The following LINGO1 variants were observed in gnomAD, a reference collection of about 807,000 sequenced individuals.
LINGO1 encodes the protein leucine rich repeat and Ig domain containing 1, also known as leucine-rich repeat and immunoglobulin-like domain-containing nogo receptor-interacting protein 1.
A neutral mutation model predicts 37.3 loss-of-function variants in LINGO1; 11 were observed. The observed-to-expected ratio is 0.29, with a 90% confidence interval of 0.19 to 0.49. The LOEUF (loss-of-function observed/expected upper bound fraction) is 0.49, where lower values mean the gene tolerates loss of function less well. LINGO1 is among the 20% of genes least tolerant of loss of function. The pLI, the probability that LINGO1 is intolerant of heterozygous loss-of-function variation, is 0.99. For synonymous variants in LINGO1, 387 were observed against 403.0 expected, an observed-to-expected ratio of 0.96 and a Z score of 0.48; for missense variants, 585 against 878.2, an observed-to-expected ratio of 0.67 and a Z score of 4.22.
chr15:77,802,286 T>C (rs1220138873), intron 1 of LINGO1, among the ~76,000 whole-genome samples: 1 of 151,918 alleles, frequency 6.6e-6, no homozygotes, highest in Non-Finnish European at 1.5e-5. Flanking sequence ...TGTGTGTATG[T>C]GTGTTGTCAC....
chr15:77,686,411 A>G (rs1490516014), intron 2 of LINGO1, among the ~76,000 whole-genome samples: 1 of 152,230 alleles, frequency 6.6e-6, no homozygotes, highest in Non-Finnish European at 1.5e-5. Flanking sequence ...CACCCTCAGC[A>G]ATACCAGCAT....
At chr15:77,743,701 C>A (rs2141352826) in intron 1 of LINGO1, among the ~76,000 whole-genome samples, 1 of 152,118 alleles carries the variant, frequency 6.6e-6, no homozygotes, top group Non-Finnish European at 1.5e-5. Flanking sequence ...AGTTAACAAG[C>A]AAGCGGGGAG....
chr15:77,813,625 CCAAA>C (rs2077024798), intron 1 of LINGO1, among the ~76,000 whole-genome samples: 2 of 152,116 alleles, frequency 1.3e-5, no homozygotes, highest in Non-Finnish European at 2.9e-5. Flanking sequence ...GAGGAGGCGC[CCAAA>C]CAGTGATACG....
At chr15:77,810,003 C>T (rs2141476908) in intron 1 of LINGO1, among the ~76,000 whole-genome samples, 1 of 152,110 alleles carries the variant, frequency 6.6e-6, no homozygotes, top group South Asian at 2.1e-4. Context: ...CTGCCTTTCT[C>T]CCAGTGGCCT....
chr15:77,636,253 G>A (rs1330949615), upstream of LINGO1, among the ~76,000 whole-genome samples: 1 of 152,132 alleles, frequency 6.6e-6, no homozygotes, highest in East Asian at 1.9e-4. Flanking sequence ...GGTCCCCCAG[G>A]CACAGAAAGG....
intron 3 of LINGO1, among the ~76,000 whole-genome samples, chr15:77,647,039 C>A (rs2074647999): frequency 6.6e-6 from 1 of 151,914 alleles, no homozygotes; most frequent in Non-Finnish European, 1.5e-5. Context: ...GGGACGGGCC[C>A]CCGGTATTCA....
intron 3 of LINGO1, among the ~76,000 whole-genome samples, chr15:77,639,812 G>A (rs112363239): frequency 5.3e-5 from 8 of 152,272 alleles, no homozygotes; most frequent in South Asian, 2.1e-4. Context: ...ATTAAAACAC[G>A]CAGGACAGTG....
chr15:77,690,027 G>A (rs961365670), intron 2 of LINGO1, among the ~76,000 whole-genome samples: 1 of 152,170 alleles, frequency 6.6e-6, no homozygotes, highest in African/African-American at 2.4e-5. Context: ...ATAGAGATTT[G>A]TCTGAGGATA....
intron 2 of LINGO1, among the ~76,000 whole-genome samples, chr15:77,705,253 C>T (rs1388278261): frequency 2.6e-5 from 4 of 151,198 alleles, no homozygotes; most frequent in African/African-American, 9.7e-5. Flanking sequence ...GTTCCCCGAC[C>T]AGTTTTATTC....
intron 1 of LINGO1, among the ~76,000 whole-genome samples, chr15:77,625,593 C>T (rs1394352930): frequency 6.6e-6 from 1 of 152,182 alleles, no homozygotes; most frequent in Non-Finnish European, 1.5e-5. Flanking sequence ...TGTTTGATCT[C>T]CATAACCACC....
intron 3 of LINGO1, among the ~76,000 whole-genome samples, chr15:77,644,037 C>T (rs1203165553): frequency 1.3e-5 from 2 of 152,236 alleles, no homozygotes; most frequent in African/African-American, 2.4e-5. Flanking sequence ...GGGCAGGGCC[C>T]GGCACTCAGG....
chr15:77,716,287 T>C lies in LINGO1; in HGVS notation c.-195+18705A>G, dbSNP rs865823858. ...TTCTTTCTTCTTCTTCTTCTTTTTT[T>C]TTTTTTTTTTTGAGACAGGGTCTCA... On this transcript the variant is annotated intron_variant, in intron 2 of 3. Coordinates refer to the LINGO1 transcript ENST00000561686. Among the ~76,000 whole-genome samples, 1,056 of 143,926 alleles carry C rather than the reference T, an allele frequency of 7.3e-3. 18 individuals carry two copies. Among genetic ancestry groups the C allele is most frequent in the African/African-American group, 0.025 (1,014 of 40,032 alleles). 94.4% of individuals were successfully genotyped at this position (143,926 alleles called of 152,430 possible).
chr15:77,743,019 G>A (rs1260095948), intron 1 of LINGO1, among the ~76,000 whole-genome samples: 2 of 152,214 alleles, frequency 1.3e-5, no homozygotes, highest in East Asian at 1.9e-4. Flanking sequence ...CCCCCAGCCC[G>A]ACGCCCAACC....
At chr15:77,715,777 C>T (rs1251594180) in intron 2 of LINGO1, among the ~76,000 whole-genome samples, 1 of 152,196 alleles carries the variant, frequency 6.6e-6, no homozygotes, top group East Asian at 1.9e-4. Flanking sequence ...TGCCTGTCCC[C>T]AACAGGTGCC....
At chr15:77,788,421 A>G (rs1023310119), upstream of LINGO1, 1 of 152,178 alleles carries the variant, frequency 6.6e-6, no homozygotes, top group Non-Finnish European at 1.5e-5. Context: ...AGAGACTGAG[A>G]CCCAAAGGCC....
At position 77,737,768 on chromosome 15, in the gene LINGO1, G is replaced by A. The variant is rs60269871; in HGVS notation, c.-256-2715C>T. ...CCATCAGGTGACATTTTATCTCTGG[G>A]TTTCCAGGACTCGGCCTCTCCTGGC... is the stretch of plus-strand genomic sequence containing the variant. On this transcript the variant is annotated intron_variant, in intron 1 of 3. Coordinates refer to the LINGO1 transcript ENST00000561686. Among the ~76,000 whole-genome samples the A allele has an allele frequency of 2.1e-3, 326 of 152,188 alleles. 1 individual carries two copies. The highest frequency in any genetic ancestry group is 0.014 in the Middle Eastern group (4 of 294).
At chr15:77,776,404 T>C (rs2076639179) in intron 1 of LINGO1, among the ~76,000 whole-genome samples, 1 of 87,558 alleles carries the variant, frequency 1.1e-5, no homozygotes, top group Non-Finnish European at 2.4e-5. Context: ...AATCTGCTTA[T>C]GGTGGAGGTG....
At position 77,767,314 on chromosome 15, in the gene LINGO1, TG is replaced by T. The variant is rs1207762539; in HGVS notation, c.-257+19554del. Among the ~76,000 whole-genome samples the T allele has an allele frequency of 2.0e-5, 3 of 152,234 alleles. 1 individual carries two copies. Among genetic ancestry groups the T allele is most frequent in the South Asian group, 4.1e-4 (2 of 4,822 alleles). On this transcript the variant is annotated intron_variant, in intron 1 of 3. Coordinates refer to the LINGO1 transcript ENST00000561686. ...AGAGAGAGGGGCTCCTTTAAAATTCTGGGGGAAAAAAGATCTCCATTCGGAA... is the reference window on the plus strand; with the variant it reads ...AGAGAGAGGGGCTCCTTTAAAATTCTGGGGAAAAAAGATCTCCATTCGGAA...
upstream of LINGO1, among the ~76,000 whole-genome samples, chr15:77,635,163 T>A (rs1265485995): frequency 6.6e-6 from 1 of 152,146 alleles, no homozygotes; most frequent in Non-Finnish European, 1.5e-5. Flanking sequence ...CACGGAGCTG[T>A]GTCTGGGAGG....
Sources: allele counts gnomAD v4.1 joint callset (sites outside exome capture counted in the v4.1 genomes callset), GRCh38; gene constraint gnomAD v4.1.1; transcripts MANE v1.5; gene names NCBI Gene and HGNC (gene_info 2026-07-23, HGNC 2026-07-21).